The following CDH8 variants were observed in gnomAD, a reference collection of about 807,000 sequenced individuals.
CDH8 encodes cadherin 8.
In CDH8, 17 loss-of-function variants were observed where a neutral mutation model predicts 68.1. That is an observed-to-expected ratio of 0.25 (90% confidence interval 0.17 to 0.37). CDH8 has a LOEUF of 0.37. Among genes scored for constraint, CDH8 ranks in the 10% least tolerant of loss-of-function variants. CDH8 has a pLI of 1.00. For synonymous variants in CDH8, 372 were observed against 365.1 expected, an observed-to-expected ratio of 1.02 and a Z score of -0.21; for missense variants, 763 against 999.3, an observed-to-expected ratio of 0.76 and a Z score of 3.19.
At chr16:61,971,322 T>A (rs935745671) in intron 2 of CDH8, among the ~76,000 whole-genome samples, 2 of 152,202 alleles carry the variant, frequency 1.3e-5, no homozygotes, top group Non-Finnish European at 2.9e-5. Flanking sequence ...CTGTTTTATC[T>A]GTGCTTCTGA....
At chr16:61,862,044 C>T (rs967246882) in intron 3 of CDH8, among the ~76,000 whole-genome samples, 1 of 151,800 alleles carries the variant, frequency 6.6e-6, no homozygotes, top group Admixed American at 6.6e-5. Context: ...CACAAAAAGA[C>T]AATCTCAAAT....
intron 10 of CDH8, among the ~76,000 whole-genome samples, chr16:61,666,863 T>G (rs1390251026): frequency 6.6e-6 from 1 of 151,962 alleles, no homozygotes; most frequent in Non-Finnish European, 1.5e-5. Context: ...TCCAGAAATT[T>G]TCAGCATATT....
At chr16:61,688,222 A>C (rs990170556) in intron 10 of CDH8, among the ~76,000 whole-genome samples, 4 of 151,668 alleles carry the variant, frequency 2.6e-5, no homozygotes, top group Non-Finnish European at 5.9e-5. Flanking sequence ...TTCCATACCC[A>C]CCTCCCTGCC....
rs188661489 is a variant in CDH8 at position 61,752,307 on chromosome 16, G to C, written c.1415-25092C>G. On this transcript the variant is annotated intron_variant, in intron 8 of 11. Coordinates refer to ENST00000577390, the MANE Select transcript of CDH8 (RefSeq NM_001796.5). ...AGGGCATGGTTAATGTCTTGAAGTA[G>C]TCAATCACAGATTTCTGGATGATTA... Among the ~76,000 whole-genome samples the C allele has an allele frequency of 2.5e-3, 386 of 152,266 alleles. 1 individual carries two copies. Among genetic ancestry groups the C allele is most frequent in the African/African-American group, 9.0e-3 (373 of 41,564 alleles).
intron 7 of CDH8, among the ~76,000 whole-genome samples, chr16:61,801,771 G>C (rs947446787): frequency 6.6e-6 from 1 of 152,214 alleles, no homozygotes; most frequent in African/African-American, 2.4e-5. Context: ...CTTAAAAAGC[G>C]GCGAACCATG....
rs1226598431 is a variant in CDH8, at chr16:61,858,074, C to CACACACACACACACAT, written c.548-852_548-837dup. On this transcript the variant is annotated intron_variant, in intron 3 of 11. Coordinates refer to ENST00000577390, the MANE Select transcript of CDH8 (RefSeq NM_001796.5). The stretch of plus-strand genomic sequence containing the variant: ...GCAGACATGTAAATAATCAAACACA[C>CACACACACACACACAT]ACACACACACACACATACACACACA... 2.0e-5 allele frequency among the ~76,000 whole-genome samples: 3 copies of CACACACACACACACAT among 151,902 alleles called. No homozygotes were observed. The East Asian group carries it at 5.8e-4, about 29-fold the overall frequency.
At chr16:61,990,082 A>T (rs1965690141) in intron 2 of CDH8, among the ~76,000 whole-genome samples, 1 of 152,124 alleles carries the variant, frequency 6.6e-6, no homozygotes, top group Non-Finnish European at 1.5e-5. Flanking sequence ...AGATTAACTG[A>T]TGTGTACTAT....
At chr16:62,026,789 A>T (rs1420329360) in intron 1 of CDH8, among the ~76,000 whole-genome samples, 1 of 152,218 alleles carries the variant, frequency 6.6e-6, no homozygotes, top group African/African-American at 2.4e-5. Context: ...CTCTGCTGTG[A>T]CACTTGGAAC....
intron 2 of CDH8, among the ~76,000 whole-genome samples, chr16:61,949,880 C>T (rs1021704447): frequency 1.3e-5 from 2 of 151,636 alleles, no homozygotes; most frequent in African/African-American, 4.8e-5. Context: ...TCCCAACTCT[C>T]AGGGGGCTGA....
At chr16:61,810,387 A>G (rs1167016740) in intron 7 of CDH8, among the ~76,000 whole-genome samples, 1 of 152,158 alleles carries the variant, frequency 6.6e-6, no homozygotes, top group Non-Finnish European at 1.5e-5. Context: ...CCAGAATTCT[A>G]AGGTCCCTGC....
chr16:61,963,093 G>A (rs542744120), intron 2 of CDH8, among the ~76,000 whole-genome samples: 3 of 152,234 alleles, frequency 2.0e-5, no homozygotes, highest in South Asian at 2.1e-4. Context: ...TTCCAATTAT[G>A]AGGTTGGATT....
intron 2 of CDH8, among the ~76,000 whole-genome samples, chr16:61,942,149 T>A (rs906950652): frequency 3.3e-4 from 51 of 152,308 alleles, no homozygotes; most frequent in African/African-American, 1.2e-3. Context: ...TAAAGAATCA[T>A]GCTGTTGCCC....
chr16:61,760,418 T>G (rs1046740203), intron 8 of CDH8, among the ~76,000 whole-genome samples: 9 of 151,952 alleles, frequency 5.9e-5, no homozygotes, highest in African/African-American at 1.9e-4. Context: ...TTCAAGTGAT[T>G]CTCCTGCCTC....
chr16:62,010,345 C>T (rs1375528697), intron 2 of CDH8, among the ~76,000 whole-genome samples: 1 of 152,160 alleles, frequency 6.6e-6, no homozygotes, highest in South Asian at 2.1e-4. Context: ...ACACTGTGCA[C>T]CTACCACATA....
chr16:61,747,752 T>TA (rs968385605), intron 8 of CDH8, among the ~76,000 whole-genome samples: 12 of 150,480 alleles, frequency 8.0e-5, no homozygotes, highest in African/African-American at 1.5e-4. Context: ...ATGGTAAAAT[T>TA]AAAAAAAAAT....
At chr16:61,810,564 T>C (rs1024654375) in intron 7 of CDH8, among the ~76,000 whole-genome samples, 16 of 152,114 alleles carry the variant, frequency 1.1e-4, no homozygotes, top group African/African-American at 3.9e-4. Flanking sequence ...TTCAAATTAC[T>C]ACAAGGTTCT....
rs939655031 is a variant in CDH8 at position 61,783,539 on chromosome 16, G to C, written c.1414+5807C>G. ...CAGGATATTATCCAGGAGAACTTCCGCAATCTAGCAAGGCAGGCCAACGTT... is the reference window on the plus strand; with the variant it reads ...CAGGATATTATCCAGGAGAACTTCCCCAATCTAGCAAGGCAGGCCAACGTT... On this transcript the variant is annotated intron_variant, in intron 8 of 11. Transcript: ENST00000577390. 8.7e-3 allele frequency among the ~76,000 whole-genome samples: 1,306 copies of C among 150,498 alleles called. 16 individuals are homozygous for C. The highest frequency in any genetic ancestry group is 0.027 in the African/African-American group (1,093 of 40,308).
chr16:61,660,457 C>CA (rs1188178760), intron 10 of CDH8, among the ~76,000 whole-genome samples: 3 of 151,482 alleles, frequency 2.0e-5, no homozygotes, highest in African/African-American at 7.3e-5. Context: ...AGCAGAGCCT[C>CA]AAAAAAATGT....
At chr16:61,854,809 T>A in intron 4 of CDH8, among the ~76,000 whole-genome samples, 1 of 152,214 alleles carries the variant, frequency 6.6e-6, no homozygotes, top group East Asian at 1.9e-4. Flanking sequence ...ATTTTATCAG[T>A]CTCAATTCTT....
Sources: allele counts gnomAD v4.1 joint callset (sites outside exome capture counted in the v4.1 genomes callset), GRCh38; gene constraint gnomAD v4.1.1; transcripts MANE v1.5; gene names NCBI Gene and HGNC (gene_info 2026-07-23, HGNC 2026-07-21).